SPAG16: variants seen among roughly 807,000 people sequenced by gnomAD.
SPAG16 encodes the protein sperm associated antigen 16.
Under a neutral mutation model 80.4 loss-of-function variants are expected in SPAG16, and 86 were observed. That is an observed-to-expected ratio of 1.07 (90% CI 0.90 to 1.28). The LOEUF (loss-of-function observed/expected upper bound fraction) is 1.28, where lower values mean the gene tolerates loss of function less well. Among genes scored for constraint, SPAG16 ranks in the 50% most tolerant of loss-of-function variants. The pLI, the probability that SPAG16 is intolerant of heterozygous loss-of-function variation, is 0.00. For missense variants in SPAG16, 870 were observed against 765.3 expected (o/e 1.14, Z -1.61); for synonymous variants, 294 against 265.9 (o/e 1.11, Z -1.03).
intron 10 of SPAG16, among the ~76,000 whole-genome samples, chr2:213,858,116 T>C (rs776913264): frequency 4.6e-5 from 7 of 152,206 alleles, no homozygotes; most frequent in African/African-American, 9.7e-5. Flanking sequence ...GCTGTGAACA[T>C]TGTTGAAATA....
intron 13 of SPAG16, among the ~76,000 whole-genome samples, chr2:214,081,325 A>T (rs2051382478): frequency 6.6e-6 from 1 of 152,146 alleles, no homozygotes; most frequent in Non-Finnish European, 1.5e-5. Context: ...TTCAAATCCT[A>T]ACCCCCAATT....
At chr2:214,165,628 GC>G (rs2056623299) in intron 15 of SPAG16, among the ~76,000 whole-genome samples, 1 of 139,186 alleles carries the variant, frequency 7.2e-6, no homozygotes, top group African/African-American at 2.7e-5. Flanking sequence ...TGTCCCCACT[GC>G]CCCCCACCCC....
intron 11 of SPAG16, among the ~76,000 whole-genome samples, chr2:213,915,405 G>A (rs2077908565): frequency 6.6e-6 from 1 of 151,842 alleles, no homozygotes; most frequent in East Asian, 2.0e-4. Flanking sequence ...CTGTTTTAGT[G>A]TGCTGAGAAT....
At chr2:213,661,550 A>G (rs2063427349) in intron 10 of SPAG16, among the ~76,000 whole-genome samples, 2 of 152,176 alleles carry the variant, frequency 1.3e-5, no homozygotes, top group Non-Finnish European at 2.9e-5. Context: ...TCAATATTTA[A>G]TGGGCTTCAG....
chr2:213,976,447 T>C (rs1385358918), intron 12 of SPAG16, among the ~76,000 whole-genome samples: 2 of 151,900 alleles, frequency 1.3e-5, no homozygotes, highest in East Asian at 3.9e-4. Flanking sequence ...ATATATCCTA[T>C]TGGACCTTTC....
intron 9 of SPAG16, among the ~76,000 whole-genome samples, chr2:213,410,540 T>C (rs1006756243): frequency 6.6e-6 from 1 of 152,182 alleles, no homozygotes. Flanking sequence ...AGAGCAAAGA[T>C]GGACTGCAAA....
intron 10 of SPAG16, among the ~76,000 whole-genome samples, chr2:213,643,720 C>T (rs1403814062): frequency 3.0e-5 from 4 of 131,286 alleles, no homozygotes; most frequent in Non-Finnish European, 4.8e-5. Flanking sequence ...TCTTTTGTGT[C>T]TTACGATTGT....
At chr2:214,329,515 A>G (rs996526944) in intron 15 of SPAG16, among the ~76,000 whole-genome samples, 19 of 152,178 alleles carry the variant, frequency 1.2e-4, no homozygotes, top group Non-Finnish European at 2.6e-4. Flanking sequence ...AAGCTAGATG[A>G]TTGTATACAT....
intron 9 of SPAG16, among the ~76,000 whole-genome samples, chr2:213,424,893 G>T (rs1188794545): frequency 6.6e-6 from 1 of 152,114 alleles, no homozygotes; most frequent in East Asian, 1.9e-4. Flanking sequence ...TCATTTCTTT[G>T]CCATGGCCTT....
chr2:214,167,992 C>CTGT (rs2056727217), intron 15 of SPAG16, among the ~76,000 whole-genome samples: 1 of 133,458 alleles, frequency 7.5e-6, no homozygotes, highest in African/African-American at 2.7e-5. Context: ...TTTTCTTTTT[C>CTGT]TCTTTTTTTT....
chr2:214,328,843 A>G (rs1324060133), intron 15 of SPAG16, among the ~76,000 whole-genome samples: 1 of 152,182 alleles, frequency 6.6e-6, no homozygotes, highest in African/African-American at 2.4e-5. Flanking sequence ...AAAAGTTAAC[A>G]TTCATTGACT....
chr2:213,810,793 A>G (rs2072104344), intron 10 of SPAG16, among the ~76,000 whole-genome samples: 1 of 152,190 alleles, frequency 6.6e-6, no homozygotes, highest in Admixed American at 6.6e-5. Context: ...GGTCTAAGTT[A>G]TTTGGTTGCA....
chr2:214,254,405 T>C (rs1487805070), intron 15 of SPAG16, among the ~76,000 whole-genome samples: 1 of 152,180 alleles, frequency 6.6e-6, no homozygotes, highest in African/African-American at 2.4e-5. Flanking sequence ...CCATTTAGTA[T>C]GACATTGGCT....
At chr2:213,849,391 G>A (rs2105903156) in intron 10 of SPAG16, among the ~76,000 whole-genome samples, 1 of 152,190 alleles carries the variant, frequency 6.6e-6, no homozygotes, top group South Asian at 2.1e-4. Flanking sequence ...TTCAACATGA[G>A]ATTTGTTGGA....
chr2:213,593,728 CCAT>C (rs960441120), intron 10 of SPAG16, among the ~76,000 whole-genome samples: 1 of 134,254 alleles, frequency 7.4e-6, no homozygotes, highest in African/African-American at 2.8e-5. Context: ...TTCTCATACC[CCAT>C]CATCCCCACC....
intron 13 of SPAG16, among the ~76,000 whole-genome samples, chr2:214,029,192 T>C (rs1420402473): frequency 6.6e-6 from 1 of 151,858 alleles, no homozygotes; most frequent in Non-Finnish European, 1.5e-5. Flanking sequence ...GGAAGAGTGT[T>C]CCAGAGAGAG....
chr2:213,405,014 G>T (rs539442649), intron 9 of SPAG16, among the ~76,000 whole-genome samples: 3 of 152,142 alleles, frequency 2.0e-5, no homozygotes, highest in Admixed American at 6.5e-5. Context: ...CAGTAAGCAT[G>T]TGCTTATGGT....
chr2:213,428,881 G>A (rs1436857673), intron 9 of SPAG16, among the ~76,000 whole-genome samples: 1 of 152,036 alleles, frequency 6.6e-6, no homozygotes, highest in Non-Finnish European at 1.5e-5. Flanking sequence ...CACGAGGTCA[G>A]TAGTTTGAGA....
chr2:214,163,331 C>T (rs2056523374), intron 15 of SPAG16, among the ~76,000 whole-genome samples: 1 of 151,634 alleles, frequency 6.6e-6, no homozygotes, highest in Non-Finnish European at 1.5e-5. Context: ...CTTTCCATAC[C>T]TTTTTATGGC....
Sources: allele counts gnomAD v4.1 joint callset (sites outside exome capture counted in the v4.1 genomes callset), GRCh38; gene constraint gnomAD v4.1.1; transcripts MANE v1.5; gene names NCBI Gene and HGNC (gene_info 2026-07-23, HGNC 2026-07-21).